COMMD7: variants seen among roughly 807,000 people sequenced by gnomAD.
The protein encoded by COMMD7 is COMM domain-containing protein 7.
COMMD7 carries 28 observed loss-of-function variants against 34.8 expected under a neutral mutation model. The ratio of observed to expected loss-of-function variants is 0.80; its 90% CI spans 0.60 to 1.10. The LOEUF (loss-of-function observed/expected upper bound fraction) is 1.10, where lower values mean the gene tolerates loss of function less well. Ranked by LOEUF, COMMD7 falls within the 50% of genes least tolerant of loss-of-function variation. The pLI is 0.00. For synonymous variants in COMMD7, 80 were observed against 86.4 expected (o/e 0.93, Z 0.41); for missense variants, 211 against 241.6 (o/e 0.87, Z 0.84).
chr20:32,727,299 A>T (rs533024658), intron 3 of COMMD7, among the ~76,000 whole-genome samples: 1 of 152,144 alleles, frequency 6.6e-6, no homozygotes, highest in South Asian at 2.1e-4. Context: ...CTGTAATCCC[A>T]GCACTATGGG....
intron 1 of COMMD7, among the ~76,000 whole-genome samples, chr20:32,730,473 T>C (rs1269890136): frequency 6.6e-6 from 1 of 152,044 alleles, no homozygotes; most frequent in African/African-American, 2.4e-5. Context: ...AAGAATTGCT[T>C]GAACCTGGGA....
chr20:32,743,157 C>T, intron 1 of COMMD7, 151 bp downstream of exon 1: 1 of 640,230 alleles, frequency 1.6e-6, no homozygotes, highest in East Asian at 3.5e-5. Flanking sequence ...AGCCTCGCCC[C>T]GAACCCACCT....
intron 1 of COMMD7, among the ~76,000 whole-genome samples, chr20:32,735,625 C>A (rs1366639219): frequency 6.6e-6 from 1 of 151,982 alleles, no homozygotes; most frequent in Non-Finnish European, 1.5e-5. Context: ...CTATAAGAAA[C>A]TATTAAAATG....
intron 3 of COMMD7, among the ~76,000 whole-genome samples, chr20:32,712,310 C>A (rs1210295053): frequency 6.9e-6 from 1 of 144,478 alleles, no homozygotes; most frequent in African/African-American, 2.6e-5. Context: ...AGATCGAGAC[C>A]ATCCTGGACA....
At chr20:32,704,566 C>A in intron 6 of COMMD7, 77 bp from the exon 7 acceptor site, 1 of 1,496,402 alleles carries the variant, frequency 6.7e-7, no homozygotes, top group Non-Finnish European at 9.1e-7. Flanking sequence ...CCTGAAGACC[C>A]CAGTTTTGCA....
chr20:32,709,541 C>G (rs978254466), intron 3 of COMMD7, among the ~76,000 whole-genome samples: 4 of 152,186 alleles, frequency 2.6e-5, no homozygotes, highest in African/African-American at 9.7e-5. Flanking sequence ...CAGAGCGAGA[C>G]TCCGTCTCAA....
chr20:32,719,728 T>C (rs1340109049), intron 3 of COMMD7, among the ~76,000 whole-genome samples: 1 of 152,124 alleles, frequency 6.6e-6, no homozygotes, highest in Non-Finnish European at 1.5e-5. Context: ...CACATACTCA[T>C]TATTAGGTAA....
intron 3 of COMMD7, among the ~76,000 whole-genome samples, chr20:32,714,659 A>G (rs1427201697): frequency 1.3e-5 from 2 of 150,334 alleles, no homozygotes; most frequent in Admixed American, 1.3e-4. Context: ...CCTCGTCTCT[A>G]CTAAAAATAC....
chr20:32,739,239 G>C (rs1293052340), intron 1 of COMMD7, among the ~76,000 whole-genome samples: 1 of 152,118 alleles, frequency 6.6e-6, no homozygotes, highest in Non-Finnish European at 1.5e-5. Context: ...GGCCAAGATG[G>C]ATCACCAGAG....
intron 3 of COMMD7, among the ~76,000 whole-genome samples, chr20:32,718,213 G>T (rs183376876): frequency 1.8e-3 from 269 of 151,640 alleles, no homozygotes; most frequent in African/African-American, 5.9e-3. Context: ...GACCATCCTG[G>T]CTAACACGGT....
rs138988309 is a variant in COMMD7, at chr20:32,733,293, A to G, written c.85-5151T>C. On this transcript the variant is annotated intron_variant, in intron 1 of 8. Coordinates refer to ENST00000278980, the MANE Select transcript of COMMD7 (RefSeq NM_053041.3). ...ATTGCTCAGTTTAAAAAACAACAAC[A>G]AAACAGGCCACGCGCGGTGGCTCAC... is the stretch of plus-strand genomic sequence containing the variant. Among the ~76,000 whole-genome samples, 635 of 151,970 alleles carry G rather than the reference A, an allele frequency of 4.2e-3. 9 individuals carry two copies. The highest frequency in any genetic ancestry group is 0.015 in the African/African-American group (603 of 41,442).
intron 1 of COMMD7, among the ~76,000 whole-genome samples, chr20:32,733,414 G>A (rs933311259): frequency 2.6e-5 from 4 of 150,970 alleles, no homozygotes; most frequent in East Asian, 4.0e-4. Context: ...AACAAACCCC[G>A]TCTCTACTAA....
intron 1 of COMMD7, among the ~76,000 whole-genome samples, chr20:32,734,630 T>TA (rs1986040297): frequency 6.6e-6 from 1 of 151,840 alleles, no homozygotes; most frequent in South Asian, 2.1e-4. Flanking sequence ...ACCTCATCTC[T>TA]AAAAAATAAA....
chr20:32,741,621 C>A (rs1986452568), intron 1 of COMMD7, among the ~76,000 whole-genome samples: 1 of 152,084 alleles, frequency 6.6e-6, no homozygotes, highest in Non-Finnish European at 1.5e-5. Context: ...GATCTCCTGA[C>A]CTTGTGATCC....
At chr20:32,705,303 C>CAT (rs1568770745) in intron 5 of COMMD7, among the ~76,000 whole-genome samples, 3 of 147,358 alleles carry the variant, frequency 2.0e-5, no homozygotes, top group African/African-American at 7.6e-5. Context: ...AGAAAGGAGG[C>CAT]ATATATATGT....
chr20:32,734,125 G>A (rs867971031), intron 1 of COMMD7, among the ~76,000 whole-genome samples: 2 of 149,648 alleles, frequency 1.3e-5, no homozygotes, highest in South Asian at 2.1e-4. Flanking sequence ...AGCTTGTGGT[G>A]AGCCCAGATC....
chr20:32,743,237 T>TGGCCCCC, intron 1 of COMMD7, 71 bp downstream of exon 1: 10 of 526,940 alleles, frequency 1.9e-5, no homozygotes, highest in Admixed American at 6.7e-5. Context: ...CCCCCGGACG[T>TGGCCCCC]CCCCCCCACC....
chr20:32,725,854 C>A (rs997839239), intron 3 of COMMD7, among the ~76,000 whole-genome samples: 2 of 151,620 alleles, frequency 1.3e-5, no homozygotes, highest in Non-Finnish European at 2.9e-5. Context: ...AATTTGAAAC[C>A]AGCCTGGCCA....
chr20:32,709,264 G>A (rs936487440), intron 3 of COMMD7, among the ~76,000 whole-genome samples: 3 of 151,742 alleles, frequency 2.0e-5, no homozygotes, highest in Non-Finnish European at 2.9e-5. Context: ...GCAAAACCCC[G>A]TCTCTACTAA....
Sources: gnomAD v4.1 joint callset for allele counts (sites outside exome capture counted in the v4.1 genomes callset) on GRCh38, gnomAD v4.1.1 for gene constraint, MANE v1.5 for transcripts, NCBI Gene and HGNC (gene_info 2026-07-23, HGNC 2026-07-21) for gene names.